DCHS2: variants seen among roughly 807,000 people sequenced by gnomAD.
DCHS2 encodes the protein protocadherin-23.
Under a neutral mutation model 182.4 loss-of-function variants are expected in DCHS2, and 142 were observed. That is an observed-to-expected ratio of 0.78 (90% confidence interval 0.68 to 0.89). The LOEUF is 0.89. DCHS2 is among the 40% of genes least tolerant of loss of function. The probability of loss-of-function intolerance (pLI) is 0.00; values close to 1 mark genes in which losing one functional copy is unlikely to be tolerated. For synonymous variants in DCHS2, 1,740 were observed against 1,663.3 expected (o/e 1.05, Z -1.12); for missense variants, 4,319 against 4,198.6 (o/e 1.03, Z -0.79).
chr4:154,397,132 G>A (rs778437957), intron 1 of DCHS2, among the ~76,000 whole-genome samples: 15 of 152,258 alleles, frequency 9.9e-5, no homozygotes, highest in East Asian at 1.9e-4. Flanking sequence ...AAAGGACACC[G>A]CACTAATCTA....
At position 154,379,227 on chromosome 4, in the gene DCHS2, C is replaced by T. The variant is rs117192735; in HGVS notation, c.2053-1783G>A. On this transcript the variant is annotated intron_variant, in intron 1 of 19. Coordinates refer to ENST00000357232, the MANE Select transcript of DCHS2 (RefSeq NM_001358235.2). ...TTTGGTTCACAAGGACACATACATGCAAGGTCCCCAAAGTCACTCTGACAG... is the reference window on the plus strand; with the variant it reads ...TTTGGTTCACAAGGACACATACATGTAAGGTCCCCAAAGTCACTCTGACAG... 6.6e-3 allele frequency among the ~76,000 whole-genome samples: 1,006 copies of T among 152,246 alleles called. 33 individuals are homozygous for T. In the East Asian group the frequency reaches 0.094, roughly 14 times the overall value.
chr4:154,298,530 G>C lies in DCHS2; in HGVS notation c.5784C>G (p.Asp1928Glu), dbSNP rs1735060281. 2 of 1,613,998 alleles carry C rather than the reference G, an allele frequency of 1.2e-6. No individual in the cohort carries two copies. The highest frequency in any genetic ancestry group is 1.7e-5 in the Admixed American group (1 of 59,994). The change falls in exon 13 of 20, where the codon GAC (aspartate) becomes GAG (glutamate). Residue 1928 changes from aspartate to glutamate, a missense_variant. Asp to Glu is a conservative substitution (Grantham distance 45). Coordinates refer to ENST00000357232, the MANE Select transcript of DCHS2 (RefSeq NM_001358235.2). ...AAAGTGTGGGAAAAGAAGGACTGTG[G>C]TCATTGGCATCCAAAACTCTAACTT... ...HLQVRVLDANDHSPSFPTLYY... is the reference protein window; with the variant it reads ...HLQVRVLDANEHSPSFPTLYY...
At chr4:154,263,686 G>GA (rs200534854) in intron 14 of DCHS2, among the ~76,000 whole-genome samples, 2,900 of 103,738 alleles carry the variant, frequency 0.028, 58 homozygotes, top group African/African-American at 0.067. Context: ...GGCCATTATT[G>GA]AAAAAAAAAA....
intron 1 of DCHS2, among the ~76,000 whole-genome samples, chr4:154,420,246 C>CAGAG: frequency 6.9e-6 from 1 of 144,854 alleles, no homozygotes; most frequent in South Asian, 2.3e-4. Context: ...GACAGACAGA[C>CAGAG]AGATAGATAG....
chr4:154,332,596 AG>A lies in DCHS2; in HGVS notation c.3611del (p.Pro1204LeufsTer6). On this transcript the variant is annotated frameshift_variant, in exon 5 of 20. Coordinates refer to ENST00000357232, the MANE Select transcript of DCHS2 (RefSeq NM_001358235.2). LOFTEE classifies it high-confidence loss of function. ...TTTTGCCTATTACCCCTTGGGGAAC[AG>A]GGCTCTCTTCGACTTTCAAAAACAA... ...DVLFLKVEES[P>X]VPQGVIGKIT... The A allele has an allele frequency of 5.0e-6, 8 of 1,614,232 alleles. No homozygotes were observed. Among genetic ancestry groups the A allele is most frequent in the Non-Finnish European group, 6.8e-6 (8 of 1,180,034 alleles).
intron 10 of DCHS2, among the ~76,000 whole-genome samples, chr4:154,314,639 C>T (rs1345845446): frequency 6.6e-6 from 1 of 151,730 alleles, no homozygotes; most frequent in African/African-American, 2.4e-5. Flanking sequence ...TATCTTTTGC[C>T]CCTTAAATTA....
intron 1 of DCHS2, chr4:154,391,391 T>G: frequency 6.9e-7 from 1 of 1,444,392 alleles, no homozygotes; most frequent in South Asian, 1.5e-5. Flanking sequence ...TGGAAATACC[T>G]CCATGACTTT....
In DCHS2 at chr4:154,294,421, C is replaced by G. The variant is rs139050669; in HGVS notation, c.6463+3430G>C. 1.4e-4 allele frequency among the ~76,000 whole-genome samples: 21 copies of G among 152,226 alleles called. No homozygotes were observed. In the East Asian group the frequency reaches 2.3e-3, roughly 17 times the overall value. On this transcript the variant is annotated intron_variant, in intron 13 of 19. Coordinates refer to ENST00000357232, the MANE Select transcript of DCHS2 (RefSeq NM_001358235.2). ...TTAAACAGTACAGCTGATATGCACA[C>G]AAAATTAGTTGATTTCTTGATGCTT... is the stretch of plus-strand genomic sequence containing the variant.
intron 3 of DCHS2, chr4:154,343,384 C>T: frequency 8.0e-7 from 1 of 1,247,454 alleles, no homozygotes; most frequent in Non-Finnish European, 1.0e-6. Context: ...CTTCTCCTCT[C>T]TAGCTATGAA....
rs182470071 is a variant in DCHS2, at chr4:154,286,800, G to A, written c.6463+11051C>T. On this transcript the variant is annotated intron_variant, in intron 13 of 19. Transcript: ENST00000357232. Reference sequence around the variant, plus strand: ...GGTAAGAGTACAAAGTTTATTCAAAGGGATGATAACAGAGAACTCCTCAAA... The same window carrying A: ...GGTAAGAGTACAAAGTTTATTCAAAAGGATGATAACAGAGAACTCCTCAAA... Among the ~76,000 whole-genome samples the A allele has an allele frequency of 4.4e-3, 675 of 152,188 alleles. 4 individuals carry two copies. Among genetic ancestry groups the A allele is most frequent in the African/African-American group, 0.015 (642 of 41,548 alleles).
chr4:154,462,725 T>C (rs1488044060), intron 1 of DCHS2, among the ~76,000 whole-genome samples: 3 of 152,116 alleles, frequency 2.0e-5, no homozygotes, highest in Non-Finnish European at 4.4e-5. Context: ...CATTAAACAC[T>C]GGGATAGAGG....
At chr4:154,368,363 AG>A (rs1165621431) in intron 2 of DCHS2, among the ~76,000 whole-genome samples, 1 of 152,006 alleles carries the variant, frequency 6.6e-6, no homozygotes, top group Non-Finnish European at 1.5e-5. Context: ...GAGGTCACTT[AG>A]GGTTGAGGTA....
At chr4:154,478,691 G>A (rs952550595) in intron 1 of DCHS2, among the ~76,000 whole-genome samples, 2 of 152,118 alleles carry the variant, frequency 1.3e-5, no homozygotes, top group African/African-American at 2.4e-5. Context: ...CATAAACTAT[G>A]CCCAAATTTC....
chr4:154,295,725 T>C (rs1262047270), intron 13 of DCHS2, among the ~76,000 whole-genome samples: 2 of 152,178 alleles, frequency 1.3e-5, no homozygotes, highest in African/African-American at 4.8e-5. Flanking sequence ...AAACTTAATC[T>C]TTACAGTATC....
intron 3 of DCHS2, 92 bp downstream of exon 3, chr4:154,366,117 GA>G (rs925289508): frequency 6.1e-6 from 6 of 978,140 alleles, no homozygotes; most frequent in Middle Eastern, 3.2e-4. Context: ...CCCCATTATT[GA>G]AAAAAAGTCA....
At chr4:154,486,296 G>T in intron 1 of DCHS2, 1 of 860,550 alleles carries the variant, frequency 1.2e-6, no homozygotes, top group African/African-American at 1.8e-5. Flanking sequence ...CTCGGAGAGG[G>T]GAGGGTGGCC....
intron 1 of DCHS2, among the ~76,000 whole-genome samples, chr4:154,379,470 G>C (rs908500299): frequency 2.0e-5 from 3 of 152,200 alleles, no homozygotes; most frequent in Middle Eastern, 3.2e-3. Context: ...AGGCACATAA[G>C]ATTATGTAGG....
chr4:154,454,630 G>T (rs1197088940), intron 1 of DCHS2, among the ~76,000 whole-genome samples: 1 of 152,112 alleles, frequency 6.6e-6, no homozygotes, highest in Non-Finnish European at 1.5e-5. Context: ...AGGTAAAGCT[G>T]CCTATGACCC....
At chr4:154,324,101 A>G (rs1578964412) in intron 7 of DCHS2, among the ~76,000 whole-genome samples, 1 of 152,256 alleles carries the variant, frequency 6.6e-6, no homozygotes, top group East Asian at 1.9e-4. Flanking sequence ...GTTCACTAAC[A>G]TCCACCAATG....
Sources: gnomAD v4.1 joint callset for allele counts (sites outside exome capture counted in the v4.1 genomes callset) on GRCh38, gnomAD v4.1.1 for gene constraint, MANE v1.5 for transcripts, NCBI Gene and HGNC (gene_info 2026-07-23, HGNC 2026-07-21) for gene names.